The following SCN3A variants were observed in gnomAD, a reference collection of about 807,000 sequenced individuals.
The protein encoded by SCN3A is sodium channel protein type 3 subunit alpha.
SCN3A carries 60 observed loss-of-function variants against 187.6 expected under a neutral mutation model. That is an observed-to-expected ratio of 0.32 (90% confidence interval 0.26 to 0.40). SCN3A has a LOEUF of 0.40. SCN3A is among the 10% of genes least tolerant of loss of function. The pLI, the probability that SCN3A is intolerant of heterozygous loss-of-function variation, is 1.00. For missense variants in SCN3A, 1,601 were observed against 2,428.2 expected (o/e 0.66, Z 7.16); for synonymous variants, 788 against 829.2 (o/e 0.95, Z 0.85).
chr2:165,155,763 A>G lies in SCN3A; in HGVS notation c.1172T>C (p.Leu391Ser). 1 of 1,614,120 alleles carries G rather than the reference A, an allele frequency of 6.2e-7. No homozygotes were observed. Reference sequence around the variant, plus strand: ...TATGCATGCTCATTTGGACCTTACCAACTGGTAAAGATTTTCCCAGTAGTC... The same window carrying G: ...TATGCATGCTCATTTGGACCTTACCGACTGGTAAAGATTTTCCCAGTAGTC... ...TQDYWENLYQ[L>S]TLRAAGKTYM... Residue 391 changes from leucine to serine, a missense_variant and splice_region_variant, in exon 10 of 28, where the codon TTG becomes TCG. Leu to Ser is a moderately radical substitution (Grantham distance 145, BLOSUM62 -2). Transcript: ENST00000283254.
intron 1 of SCN3A, among the ~76,000 whole-genome samples, chr2:165,202,522 G>A (rs1206229770): frequency 6.6e-6 from 1 of 151,966 alleles, no homozygotes. Flanking sequence ...GAATTCTTCT[G>A]AAATAGACAA....
chr2:165,178,725 A>T (rs573381644), intron 2 of SCN3A, among the ~76,000 whole-genome samples: 2 of 151,442 alleles, frequency 1.3e-5, no homozygotes, highest in African/African-American at 2.4e-5. Flanking sequence ...TGGGCAGCAC[A>T]TTTTTTTTTC....
chr2:165,141,064 A>C (rs2105812972), intron 12 of SCN3A, 66 bp from the exon 13 acceptor site: 7 of 968,084 alleles, frequency 7.2e-6, no homozygotes, highest in Admixed American at 2.6e-5. Context: ...TATTTAATAA[A>C]TATTAATATT....
In SCN3A at chr2:165,170,514, A is replaced by G; in HGVS notation, c.299T>C (p.Phe100Ser). Residue 100 changes from phenylalanine to serine, a missense_variant, in exon 4 of 28, where the codon TTC becomes TCC. By Grantham distance (155) the Phe-to-Ser change is radical. Transcript: ENST00000283254. Reference sequence around the variant, plus strand: ...CAAGGCAGAGGTGGCACTGAATCGGAAAATTGCCTTTCCTTTATTCATTAC... The same window carrying G: ...CAAGGCAGAGGTGGCACTGAATCGGGAAATTGCCTTTCCTTTATTCATTAC... ...FIVMNKGKAIFRFSATSALYI... is the reference protein window; with the variant it reads ...FIVMNKGKAISRFSATSALYI... 6.2e-7 allele frequency: 1 copy of G among 1,610,946 alleles called. No homozygotes were observed. Among genetic ancestry groups the G allele is most frequent in the Non-Finnish European group, 8.5e-7 (1 of 1,177,762 alleles).
intron 1 of SCN3A, among the ~76,000 whole-genome samples, chr2:165,196,961 A>G (rs145506063): frequency 1.2e-4 from 19 of 152,270 alleles, no homozygotes; most frequent in African/African-American, 4.1e-4. Flanking sequence ...GAGTGAATGT[A>G]TAGTTGTACA....
At chr2:165,188,187 CTTGAG>C (rs150367291) in intron 1 of SCN3A, among the ~76,000 whole-genome samples, 1,913 of 152,104 alleles carry the variant, frequency 0.013, 40 homozygotes, top group African/African-American at 0.044. Context: ...TTCTGATTTG[CTTGAG>C]TTATCTTTCT....
chr2:165,158,648 A>T (rs1049669806), intron 9 of SCN3A, among the ~76,000 whole-genome samples: 8 of 138,000 alleles, frequency 5.8e-5, no homozygotes, highest in Admixed American at 3.0e-4. Flanking sequence ...GGTAATTGAA[A>T]TCATACAGTA....
At chr2:165,112,744 A>T in intron 21 of SCN3A, 141 bp downstream of exon 21, 2 of 729,614 alleles carry the variant, frequency 2.7e-6, no homozygotes, top group Non-Finnish European at 4.6e-6. Flanking sequence ...GATATTCCTC[A>T]TTGTTGCATA....
chr2:165,196,951 G>A (rs1470055257), intron 1 of SCN3A, among the ~76,000 whole-genome samples: 2 of 152,096 alleles, frequency 1.3e-5, no homozygotes, highest in Admixed American at 1.3e-4. Context: ...ATAAATCAGT[G>A]AGTGAATGTA....
Position 165,162,657 on chromosome 2 carries a change from G to T in SCN3A, c.866C>A (p.Thr289Asn). 1 of 1,614,128 alleles carries T rather than the reference G, an allele frequency of 6.2e-7. No homozygotes were observed. The highest frequency in any genetic ancestry group is 8.5e-7 in the Non-Finnish European group (1 of 1,180,018). The stretch of plus-strand genomic sequence containing the variant: ...GCCATTAAAGTAGGAAGTGGTGTTG[G>T]TTTCAAAAGCAGAATCGCTTGGGGG... ...QWPPSDSAFETNTTSYFNGTM... is the reference protein window; with the variant it reads ...QWPPSDSAFENNTTSYFNGTM... Residue 289 changes from threonine (T) to asparagine (N), a missense_variant, in exon 8 of 28, where the codon ACC becomes AAC. Transcript: ENST00000283254.
At chr2:165,104,107 C>T (rs946069748) in intron 21 of SCN3A, among the ~76,000 whole-genome samples, 1 of 151,998 alleles carries the variant, frequency 6.6e-6, no homozygotes, top group Middle Eastern at 3.5e-3. Context: ...CATTTTTCAT[C>T]TTAACTTTTA....
intron 14 of SCN3A, among the ~76,000 whole-genome samples, chr2:165,139,096 A>G (rs375805485): frequency 1.3e-5 from 2 of 152,152 alleles, no homozygotes; most frequent in African/African-American, 4.8e-5. Flanking sequence ...CCGCAACCCC[A>G]TCAACACTTC....
intron 2 of SCN3A, among the ~76,000 whole-genome samples, chr2:165,185,316 A>AC (rs969344708): frequency 2.6e-5 from 4 of 152,036 alleles, no homozygotes; most frequent in Non-Finnish European, 5.9e-5. Flanking sequence ...TGTGTGTTTG[A>AC]CCCCCCAGTA....
chr2:165,095,285 G>A (rs1408739374), intron 25 of SCN3A, among the ~76,000 whole-genome samples: 8 of 152,146 alleles, frequency 5.3e-5, no homozygotes, highest in Admixed American at 5.2e-4. Flanking sequence ...GGATGGGTCC[G>A]AAGGAGTGGA....
chr2:165,139,566 A>G lies in SCN3A; in HGVS notation c.2062T>C (p.Ser688Pro), dbSNP rs775827948. The change falls in exon 14 of 28, where the codon TCT becomes CCT. Residue 688 changes from serine (S) to proline (P), a missense_variant. Physicochemically the swap from Ser to Pro is moderately conservative, Grantham distance 74. This residue lies in a region of SCN3A where 376 missense variants were observed against 476.0 expected (regional missense o/e 0.79). Transcript: ENST00000283254. ...AGCATCTCCATTGAAATCTGGTAAGAGCTTAACCTTCTCTTTCTGACTTCC... is the reference window on the plus strand; with the variant it reads ...AGCATCTCCATTGAAATCTGGTAAGGGCTTAACCTTCTCTTTCTGACTTCC... ...ETEVRKRRLS[S>P]YQISMEMLED... The G allele has an allele frequency of 1.9e-6, 3 of 1,613,748 alleles. No individual in the cohort carries two copies. The highest frequency in any genetic ancestry group is 1.1e-5 in the South Asian group (1 of 91,080).
Position 165,126,785 on chromosome 2 carries a change from C to G in SCN3A, c.3393+846G>C, listed in dbSNP as rs72870764. ...TTTTAAAAGTAGTTCTTAGTATTTTCAAGTTACTCTGGAAGACTATAGATC... is the reference window on the plus strand; with the variant it reads ...TTTTAAAAGTAGTTCTTAGTATTTTGAAGTTACTCTGGAAGACTATAGATC... On this transcript the variant is annotated intron_variant, in intron 18 of 27. Coordinates refer to ENST00000283254, the MANE Select transcript of SCN3A (RefSeq NM_006922.4). Among the ~76,000 whole-genome samples, 573 of 151,968 alleles carry G rather than the reference C, an allele frequency of 3.8e-3. 3 individuals carry two copies. Among genetic ancestry groups the G allele is most frequent in the Non-Finnish European group, 6.4e-3 (436 of 67,980 alleles).
At chr2:165,174,805 C>A (rs985136181) in intron 3 of SCN3A, among the ~76,000 whole-genome samples, 1 of 152,140 alleles carries the variant, frequency 6.6e-6, no homozygotes. Flanking sequence ...TTTAGAAGTA[C>A]ATGAATGTAT....
intron 1 of SCN3A, among the ~76,000 whole-genome samples, chr2:165,191,571 C>G (rs1691614822): frequency 6.6e-6 from 1 of 152,096 alleles, no homozygotes; most frequent in African/African-American, 2.4e-5. Flanking sequence ...GTATGCTCTT[C>G]CTCTAGGAAG....
chr2:165,185,509 C>T (rs1691175836), intron 2 of SCN3A, among the ~76,000 whole-genome samples: 1 of 152,146 alleles, frequency 6.6e-6, no homozygotes, highest in Non-Finnish European at 1.5e-5. Flanking sequence ...CCTCTGGACC[C>T]TTTTCTATTG....
Sources: gnomAD v4.1 joint callset for allele counts (sites outside exome capture counted in the v4.1 genomes callset) on GRCh38, gnomAD v4.1.1 for gene constraint, gnomAD v4.1.1 regional missense constraint, MANE v1.5 for transcripts, NCBI Gene and HGNC (gene_info 2026-07-23, HGNC 2026-07-21) for gene names.